Variants in MYOM1 observed in about 807,000 individuals in gnomAD.
MYOM1 encodes the protein myomesin 1.
In MYOM1, 164 loss-of-function variants were observed where a neutral mutation model predicts 205.3. The observed-to-expected ratio is 0.80, with a 90% CI of 0.70 to 0.91. The LOEUF (loss-of-function observed/expected upper bound fraction) is 0.91, where lower values mean the gene tolerates loss of function less well. Among genes scored for constraint, MYOM1 ranks in the 40% least tolerant of loss-of-function variants. The pLI, the probability that MYOM1 is intolerant of heterozygous loss-of-function variation, is 0.00. For synonymous variants in MYOM1, 772 were observed against 789.4 expected (o/e 0.98, Z 0.37); for missense variants, 2,011 against 2,127.3 (o/e 0.95, Z 1.08).
In MYOM1 at chr18:3,164,448, AT is replaced by A; in HGVS notation, c.1340-10del. 6.4e-7 allele frequency: 1 copy of A among 1,573,698 alleles called. No individual in the cohort carries two copies. Among genetic ancestry groups the A allele is most frequent in the Non-Finnish European group, 8.6e-7 (1 of 1,164,840 alleles). On this transcript the variant is annotated splice_polypyrimidine_tract_variant and intron_variant, in intron 9 of 37. Coordinates refer to ENST00000356443, the MANE Select transcript of MYOM1 (RefSeq NM_003803.4). ...TGGAGAAAGAGGTACTCCTAGAAAT[AT>A]TTTAAAAGTAAGCAAATTAACTTAT... is the stretch of plus-strand genomic sequence containing the variant.
rs1156760303 is a variant in MYOM1 at position 3,219,947 on chromosome 18, TAATGCATGTGGTCAGGC to T, written c.-190_-174del. On this transcript the variant is annotated 5_prime_UTR_variant, in exon 1 of 38. The change abolishes an upstream ATG in the 5' untranslated region. Coordinates refer to ENST00000356443, the MANE Select transcript of MYOM1 (RefSeq NM_003803.4). The surrounding 1 kb of genome is among the most constrained non-coding windows in gnomAD (Gnocchi z 4.4). ...AGGACCCTGGGGGCCAGTTCAAAAA[TAATGCATGTGGTCAGGC>T]AGTCGAATGTCAGGCCACACAACCA... 7 of 152,146 alleles carry T rather than the reference TAATGCATGTGGTCAGGC, an allele frequency of 4.6e-5. No individual in the cohort carries two copies. The highest frequency in any genetic ancestry group is 2.9e-5 in the Non-Finnish European group (2 of 68,050). 9.4% of individuals were successfully genotyped at this position (152,146 alleles called of 1,614,324 possible). A position where few individuals can be genotyped will look rare whatever the true frequency, so the allele number is the denominator to read the frequency against.
intron 5 of MYOM1, among the ~76,000 whole-genome samples, chr18:3,187,132 C>T (rs11877232): frequency 0.018 from 2,731 of 152,186 alleles, 91 homozygotes; most frequent in African/African-American, 0.062. Flanking sequence ...AAGTTCATTG[C>T]TGGAAGCTGA....
intron 2 of MYOM1, 74 bp downstream of exon 2, chr18:3,214,860 A>G: frequency 6.8e-7 from 1 of 1,465,322 alleles, no homozygotes; most frequent in Admixed American, 2.5e-5. Context: ...CAAAGCGAGA[A>G]GTAACTGGGA....
At chr18:3,095,240 G>A (rs925809270) in intron 25 of MYOM1, among the ~76,000 whole-genome samples, 2 of 151,960 alleles carry the variant, frequency 1.3e-5, no homozygotes, top group Non-Finnish European at 2.9e-5. Context: ...TTTAGACCTC[G>A]TGTCCCTCAC....
chr18:3,083,427 CTTTTTTTTT>C (rs35959808), intron 33 of MYOM1, among the ~76,000 whole-genome samples: 6 of 98,526 alleles, frequency 6.1e-5, no homozygotes, highest in Admixed American at 2.7e-4. Context: ...TTTTCTTTTT[CTTTTTTTTT>C]TTTTTTTTTT....
chr18:3,186,075 A>G (rs1703148817), intron 5 of MYOM1, among the ~76,000 whole-genome samples: 1 of 152,212 alleles, frequency 6.6e-6, no homozygotes, highest in Admixed American at 6.5e-5. Context: ...ATGCACCTGT[A>G]TTCCCAGCTA....
intron 25 of MYOM1, among the ~76,000 whole-genome samples, chr18:3,095,442 G>C (rs943201558): frequency 6.6e-6 from 1 of 152,052 alleles, no homozygotes; most frequent in African/African-American, 2.4e-5. Context: ...GGTGGTGGGC[G>C]CCTATATCCC....
chr18:3,084,618 G>A (rs757468424), intron 31 of MYOM1, among the ~76,000 whole-genome samples: 51 of 152,164 alleles, frequency 3.4e-4, no homozygotes, highest in Non-Finnish European at 1.3e-4. Context: ...TTTGTCCTTA[G>A]TAGTCTCTGA....
At chr18:3,230,020 GCTAT>G in the MYOM1 span, among the ~76,000 whole-genome samples, 1 of 145,844 alleles carries the variant, frequency 6.9e-6, no homozygotes, top group Non-Finnish European at 1.5e-5. Context: ...ATGTCTCATA[GCTAT>G]CCTCAAATGC....
At chr18:3,196,181 A>C (rs2080988598) in intron 2 of MYOM1, among the ~76,000 whole-genome samples, 1 of 152,192 alleles carries the variant, frequency 6.6e-6, no homozygotes, top group African/African-American at 2.4e-5. Flanking sequence ...AGAGAGACAC[A>C]AACTTTAAAG....
rs556692913 is a variant in MYOM1 at position 3,135,284 on chromosome 18, C to G, written c.2209+263G>C. The G allele has an allele frequency of 6.3e-5, 23 of 366,122 alleles. No homozygotes were observed. The highest frequency in any genetic ancestry group is 4.8e-4 in the African/African-American group (23 of 48,284). 22.7% of individuals were successfully genotyped at this position (366,122 alleles called of 1,614,324 possible). ...TTTTTTAAAGCAAAAAATTTTAAAA[C>G]AGTTAGGGAGCATGGATAAACTAAA... On this transcript the variant is annotated intron_variant, in intron 15 of 37. Coordinates refer to ENST00000356443, the MANE Select transcript of MYOM1 (RefSeq NM_003803.4). The surrounding 1 kb of genome is among the most constrained non-coding windows in gnomAD (Gnocchi z 4.1).
At chr18:3,127,342 CTT>C (rs1400068287) in intron 18 of MYOM1, among the ~76,000 whole-genome samples, 13 of 103,120 alleles carry the variant, frequency 1.3e-4, no homozygotes, top group African/African-American at 4.3e-4. Context: ...GGGTTTTGCT[CTT>C]GTCACCCAGG....
At chr18:3,125,955 G>A (rs563568075) in intron 19 of MYOM1, among the ~76,000 whole-genome samples, 68 of 152,106 alleles carry the variant, frequency 4.5e-4, no homozygotes, top group Non-Finnish European at 8.8e-4. Flanking sequence ...CCCTTCATCC[G>A]CTGTAATTTG....
At chr18:3,238,319 T>C in the MYOM1 span, among the ~76,000 whole-genome samples, 1 of 152,142 alleles carries the variant, frequency 6.6e-6, no homozygotes, top group Non-Finnish European at 1.5e-5. Flanking sequence ...CGCAGTAATG[T>C]GAGCGATGGG....
Position 3,071,895 on chromosome 18 carries a change from A to G in MYOM1, c.4709-6T>C. On this transcript the variant is annotated splice_polypyrimidine_tract_variant and splice_region_variant and intron_variant, in intron 36 of 37. Coordinates refer to ENST00000356443, the MANE Select transcript of MYOM1 (RefSeq NM_003803.4). ...TCCCAACACCCGGGCACGATCTGCA[A>G]GCATAGGCATTTTGGGTTAATCACT... 1 of 1,602,836 alleles carries G rather than the reference A, an allele frequency of 6.2e-7. No homozygotes were observed. Among genetic ancestry groups the G allele is most frequent in the Non-Finnish European group, 8.5e-7 (1 of 1,174,578 alleles).
intron 31 of MYOM1, among the ~76,000 whole-genome samples, chr18:3,084,413 T>C (rs975094001): frequency 1.3e-5 from 2 of 152,206 alleles, no homozygotes; most frequent in Non-Finnish European, 2.9e-5. Context: ...GAATTAACCA[T>C]GTAGGTCTCC....
At chr18:3,192,503 G>GC (rs2080925161) in intron 3 of MYOM1, among the ~76,000 whole-genome samples, 1 of 152,202 alleles carries the variant, frequency 6.6e-6, no homozygotes, top group African/African-American at 2.4e-5. Context: ...AAAAACACAG[G>GC]CAACAGAAGT....
chr18:3,233,541 C>T, the MYOM1 span, among the ~76,000 whole-genome samples: 1 of 152,172 alleles, frequency 6.6e-6, no homozygotes, highest in African/African-American at 2.4e-5. Flanking sequence ...TAAAGCCCCT[C>T]CAAACTTAAC....
chr18:3,074,327 G>A (rs2078996678), intron 36 of MYOM1, among the ~76,000 whole-genome samples: 1 of 152,158 alleles, frequency 6.6e-6, no homozygotes, highest in Non-Finnish European at 1.5e-5. Context: ...AGCAGTGCAA[G>A]TTTCAGGTTC....
Sources: allele counts gnomAD v4.1 joint callset (sites outside exome capture counted in the v4.1 genomes callset), GRCh38; gene constraint gnomAD v4.1.1; non-coding constraint Gnocchi (gnomAD v3.1); transcripts MANE v1.5; gene names NCBI Gene and HGNC (gene_info 2026-07-23, HGNC 2026-07-21).